GPI: variants seen among roughly 807,000 people sequenced by gnomAD.
The protein encoded by GPI is glucose-6-phosphate isomerase.
GPI carries 56 observed loss-of-function variants against 75.8 expected under a neutral mutation model. The ratio of observed to expected loss-of-function variants is 0.74; its 90% CI spans 0.60 to 0.92. GPI has a LOEUF of 0.92. Ranked by LOEUF, GPI falls within the 40% of genes least tolerant of loss-of-function variation. The pLI, the probability that GPI is intolerant of heterozygous loss-of-function variation, is 0.00. For missense variants in GPI, 638 were observed against 741.0 expected (o/e 0.86, Z 1.61); for synonymous variants, 288 against 285.4 (o/e 1.01, Z -0.09).
chr19:34,366,522 T>C, intron 2 of GPI, 87 bp downstream of exon 2: 1 of 892,778 alleles, frequency 1.1e-6, no homozygotes, highest in Middle Eastern at 2.2e-4. Context: ...ACCTTGAGTA[T>C]CTTGAGTTCT....
chr19:34,379,549 T>G lies in GPI; in HGVS notation c.737T>G (p.Leu246Arg). 1.2e-6 allele frequency: 2 copies of G among 1,614,004 alleles called. No homozygotes were observed. Among genetic ancestry groups the G allele is most frequent in the African/African-American group, 2.7e-5 (2 of 75,062 alleles). ...GCAGTGGCGAAGCACTTTGTTGCCCTGTCTACTAACACAGTAAGTGCCCCC... is the reference window on the plus strand; with the variant it reads ...GCAGTGGCGAAGCACTTTGTTGCCCGGTCTACTAACACAGTAAGTGCCCCC... ...PSAVAKHFVA[L>R]STNTTKVKEF... The change falls in exon 8 of 18, where the codon CTG (leucine) becomes CGG (arginine). Residue 246 changes from leucine to arginine, a missense_variant. Leu to Arg is a moderately radical substitution (Grantham distance 102, BLOSUM62 -2). Transcript: ENST00000356487.
upstream of GPI, among the ~76,000 whole-genome samples, chr19:34,362,113 CA>C (rs71165651): frequency 0.2 from 16,138 of 79,550 alleles, 899 homozygotes; most frequent in Non-Finnish European, 0.24. Context: ...GACTCCATCT[CA>C]AAAAAAAAAA....
intron 14 of GPI, among the ~76,000 whole-genome samples, 171 bp downstream of exon 14, chr19:34,396,828 G>A (rs955238528): frequency 6.6e-6 from 1 of 152,088 alleles, no homozygotes; most frequent in Non-Finnish European, 1.5e-5. Flanking sequence ...GGTGGGGAGG[G>A]GGGACAGAGT....
intron 4 of GPI, among the ~76,000 whole-genome samples, chr19:34,373,148 A>T (rs1173980224): frequency 6.6e-6 from 1 of 150,942 alleles, no homozygotes; most frequent in African/African-American, 2.4e-5. Flanking sequence ...GCACTTTGGG[A>T]GGCCGAGGTG....
chr19:34,380,860 TA>T (rs2074639064), intron 8 of GPI: 1 of 185,442 alleles, frequency 5.4e-6, no homozygotes, highest in South Asian at 1.2e-4. Context: ...TAAGGCTGGC[TA>T]ACCATAGCAC....
chr19:34,396,750 G>C, intron 14 of GPI, 93 bp downstream of exon 14: 2 of 909,334 alleles, frequency 2.2e-6, no homozygotes, highest in Non-Finnish European at 3.5e-6. Context: ...AATCACGTTA[G>C]TTTTCTATTC....
intron 1 of GPI, chr19:34,365,605 G>T: frequency 1.3e-6 from 1 of 792,116 alleles, no homozygotes; most frequent in South Asian, 1.5e-5. Flanking sequence ...CTCGGCCCCG[G>T]GTCTGCTTCG....
At chr19:34,379,053 A>G (rs1378034183) in intron 7 of GPI, 48 bp downstream of exon 7, 1 of 1,519,806 alleles carries the variant, frequency 6.6e-7, no homozygotes, top group Non-Finnish European at 9.1e-7. Flanking sequence ...TGGGCTGGGA[A>G]GAGCAGGGTG....
chr19:34,366,840 A>T lies in GPI; in HGVS notation c.271A>T (p.Asn91Tyr). The change falls in exon 3 of 18, where the codon AAC becomes TAC. Residue 91 changes from asparagine to tyrosine, a missense_variant. Transcript: ENST00000356487. ...GCGGATGTTCAATGGTGAGAAGATC[A>T]ACTACACCGAGGTGAGCAGGCCCCA... ...RERMFNGEKI[N>Y]YTEGRAVLHV... 1.2e-6 allele frequency: 2 copies of T among 1,612,494 alleles called. No homozygotes were observed. Among genetic ancestry groups the T allele is most frequent in the Non-Finnish European group, 1.7e-6 (2 of 1,178,560 alleles).
chr19:34,366,479 G>A (rs905714982), intron 2 of GPI, 44 bp downstream of exon 2: 2 of 1,383,426 alleles, frequency 1.4e-6, no homozygotes, highest in African/African-American at 1.4e-5. Flanking sequence ...CCGACAGAGT[G>A]GTGGGTGAGC....
Position 34,401,803 on chromosome 19 carries a change from T to C in GPI, c.*1767T>C, listed in dbSNP as rs1308189469. 1 of 152,072 alleles carries C rather than the reference T, an allele frequency of 6.6e-6. No individual in the cohort carries two copies. Among genetic ancestry groups the C allele is most frequent in the Non-Finnish European group, 1.5e-5 (1 of 68,030 alleles). The allele number at this position is 152,072 out of a possible 1,614,324, so 9.4% of individuals were successfully genotyped here. On this transcript the variant is annotated 3_prime_UTR_variant, in exon 18 of 18. Transcript: ENST00000356487. ...GCAGATGCATGCCAGTACACCCAGC[T>C]CATTTAAAAAAAAATTTTTTTCTTT...
chr19:34,372,038 C>T lies in GPI; in HGVS notation c.402+3336C>T, dbSNP rs575394540. Among the ~76,000 whole-genome samples the T allele has an allele frequency of 3.3e-3, 506 of 151,374 alleles. 1 individual carries two copies. Among genetic ancestry groups the T allele is most frequent in the Middle Eastern group, 6.8e-3 (2 of 292 alleles). On this transcript the variant is annotated intron_variant, in intron 4 of 17. Coordinates refer to ENST00000356487, the MANE Select transcript of GPI (RefSeq NM_000175.5). Reference sequence around the variant, plus strand: ...CTCCGCCTCCCAGGTTCAAGCAATTCTCCTGCCTCAGCCTCCTGAGTAGCT... The same window carrying T: ...CTCCGCCTCCCAGGTTCAAGCAATTTTCCTGCCTCAGCCTCCTGAGTAGCT...
upstream of GPI, chr19:34,363,173 G>C (rs2074310367): frequency 6.6e-6 from 1 of 152,290 alleles, no homozygotes; most frequent in South Asian, 2.1e-4. Context: ...GGGCATGGTG[G>C]TGCACACCTG....
intron 1 of GPI, 47 bp from the exon 2 acceptor site, chr19:34,366,298 G>T: frequency 8.1e-7 from 1 of 1,241,474 alleles, no homozygotes; most frequent in Non-Finnish European, 1.2e-6. Flanking sequence ...ATGGCTCCCC[G>T]CTAGGGAGAC....
chr19:34,380,738 G>A (rs932612810), intron 8 of GPI: 2 of 160,570 alleles, frequency 1.2e-5, no homozygotes, highest in African/African-American at 4.8e-5. Flanking sequence ...TCAGCCAGTG[G>A]GCACTGTGCT....
chr19:34,388,242 C>T (rs1407453251), intron 9 of GPI, among the ~76,000 whole-genome samples: 3 of 152,102 alleles, frequency 2.0e-5, no homozygotes, highest in Admixed American at 6.6e-5. Flanking sequence ...TTTGGGAGGC[C>T]GAGGTGGGTG....
chr19:34,372,804 C>G (rs2074475518), intron 4 of GPI, among the ~76,000 whole-genome samples: 1 of 152,078 alleles, frequency 6.6e-6, no homozygotes, highest in African/African-American at 2.4e-5. Flanking sequence ...GACAGAGTCT[C>G]TCTCTTTCAC....
chr19:34,399,119 A>T, intron 14 of GPI, 88 bp from the exon 15 acceptor site: 6 of 1,336,226 alleles, frequency 4.5e-6, no homozygotes, highest in African/African-American at 1.4e-5. Flanking sequence ...GCTGGGACTG[A>T]CCCCTGCTGA....
At chr19:34,372,877 G>T (rs562661470) in intron 4 of GPI, among the ~76,000 whole-genome samples, 6 of 151,796 alleles carry the variant, frequency 4.0e-5, no homozygotes, top group Admixed American at 3.9e-4. Flanking sequence ...AGGTTCAAGC[G>T]ATTCTCCTGC....
Sources: gnomAD v4.1 joint callset for allele counts (sites outside exome capture counted in the v4.1 genomes callset) on GRCh38, gnomAD v4.1.1 for gene constraint, MANE v1.5 for transcripts, NCBI Gene and HGNC (gene_info 2026-07-23, HGNC 2026-07-21) for gene names.